Variants in ZNF521 observed in about 807,000 individuals in gnomAD.
The protein encoded by ZNF521 is zinc finger protein 521, also known as LYST-interacting protein 3.
A neutral mutation model predicts 105.5 loss-of-function variants in ZNF521; 14 were observed. That is an observed-to-expected ratio of 0.13 (90% CI 0.09 to 0.21). The LOEUF is 0.21. Among genes scored for constraint, ZNF521 ranks in the 10% least tolerant of loss-of-function variants. ZNF521 has a pLI of 1.00. For missense variants in ZNF521, 1,233 were observed against 1,629.7 expected, an observed-to-expected ratio of 0.76 and a Z score of 4.19; for synonymous variants, 635 against 606.0, an observed-to-expected ratio of 1.05 and a Z score of -0.70.
At chr18:25,149,908 G>A (rs1298202412) in intron 5 of ZNF521, among the ~76,000 whole-genome samples, 6 of 152,134 alleles carry the variant, frequency 3.9e-5, no homozygotes, top group African/African-American at 1.4e-4. Flanking sequence ...AAAAAATTCT[G>A]AGAACCACCC....
At chr18:25,070,435 A>T (rs1322493910) in intron 7 of ZNF521, among the ~76,000 whole-genome samples, 3 of 152,072 alleles carry the variant, frequency 2.0e-5, no homozygotes, top group Non-Finnish European at 4.4e-5. Flanking sequence ...ATAAAAGTTC[A>T]TCCATCTCAT....
chr18:25,205,241 C>T lies in ZNF521; in HGVS notation c.3574-9997G>A, dbSNP rs531555080. Among the ~76,000 whole-genome samples, 116 of 146,702 alleles carry T rather than the reference C, an allele frequency of 7.9e-4. 4 individuals carry two copies. The South Asian group carries it at 0.025, about 31-fold the overall frequency. ...TTGTCTCTTGCTACTCATGGCTATA[C>T]TATTTTGTTAGTTCCTATTTGAAGA... is the stretch of plus-strand genomic sequence containing the variant. On this transcript the variant is annotated intron_variant, in intron 4 of 7. Coordinates refer to ENST00000361524, the MANE Select transcript of ZNF521 (RefSeq NM_015461.3).
chr18:25,186,904 T>TAAAAAAAAAAAAAAAAAAA (rs113619835), intron 5 of ZNF521, among the ~76,000 whole-genome samples: 1 of 74,302 alleles, frequency 1.3e-5, no homozygotes, highest in African/African-American at 4.3e-5. Flanking sequence ...AAAGTAATGC[T>TAAAAAAAAAAAAAAAAAAA]AAAAAAAAAA....
chr18:25,075,956 C>G (rs918280461), intron 7 of ZNF521, among the ~76,000 whole-genome samples: 3 of 152,144 alleles, frequency 2.0e-5, no homozygotes, highest in African/African-American at 7.2e-5. Context: ...CAGCATATTT[C>G]TCAAAATCAT....
At chr18:25,261,554 G>C (rs1294066458) in intron 3 of ZNF521, among the ~76,000 whole-genome samples, 1 of 151,952 alleles carries the variant, frequency 6.6e-6, no homozygotes, top group Non-Finnish European at 1.5e-5. Context: ...AAAACAAAAA[G>C]CCAAAAGAAT....
At chr18:25,091,813 A>G in intron 6 of ZNF521, 137 bp downstream of exon 6, 1 of 1,092,034 alleles carries the variant, frequency 9.2e-7, no homozygotes, top group Non-Finnish European at 1.3e-6. Context: ...AATAAAGCAG[A>G]AATCAAACAT....
intron 4 of ZNF521, among the ~76,000 whole-genome samples, chr18:25,207,847 A>G (rs2036110509): frequency 6.6e-6 from 1 of 152,198 alleles, no homozygotes; most frequent in South Asian, 2.1e-4. Flanking sequence ...TACTGATAAT[A>G]TATTGCATAA....
chr18:25,263,840 A>G (rs1351625864), intron 3 of ZNF521, among the ~76,000 whole-genome samples: 1 of 152,148 alleles, frequency 6.6e-6, no homozygotes, highest in Non-Finnish European at 1.5e-5. Context: ...AGCCTCCCAA[A>G]GTACTAGGAT....
chr18:25,296,557 G>A (rs1020431970), intron 3 of ZNF521, among the ~76,000 whole-genome samples: 4 of 152,172 alleles, frequency 2.6e-5, no homozygotes, highest in Non-Finnish European at 4.4e-5. Context: ...GAACAGGAAT[G>A]AGAATCAGAG....
intron 2 of ZNF521, chr18:25,327,392 A>T (rs1417738477): frequency 8.9e-7 from 1 of 1,123,252 alleles, no homozygotes; most frequent in Non-Finnish European, 1.1e-6. Flanking sequence ...TTTAAAGTTC[A>T]TATGTGTACT....
intron 3 of ZNF521, among the ~76,000 whole-genome samples, chr18:25,291,369 G>A (rs1911010525): frequency 6.6e-6 from 1 of 152,168 alleles, no homozygotes; most frequent in African/African-American, 2.4e-5. Flanking sequence ...GCTTAGGAAA[G>A]CCTCCCAAAT....
At chr18:25,324,796 T>C (rs917612346) in intron 2 of ZNF521, among the ~76,000 whole-genome samples, 2 of 152,214 alleles carry the variant, frequency 1.3e-5, no homozygotes, top group Admixed American at 6.5e-5. Flanking sequence ...ATGGACACTT[T>C]CCATGAATCC....
intron 4 of ZNF521, among the ~76,000 whole-genome samples, chr18:25,200,730 G>A (rs1289495906): frequency 2.6e-5 from 4 of 152,022 alleles, no homozygotes; most frequent in Non-Finnish European, 5.9e-5. Context: ...TCTCTTCACA[G>A]CTGACCAGTC....
chr18:25,335,068 G>A (rs1432825802), intron 2 of ZNF521, among the ~76,000 whole-genome samples: 2 of 152,098 alleles, frequency 1.3e-5, no homozygotes, highest in Non-Finnish European at 2.9e-5. Context: ...GTGACATGCC[G>A]ATTGTGCACA....
chr18:25,283,054 A>G (rs1910479043), intron 3 of ZNF521, among the ~76,000 whole-genome samples: 1 of 152,262 alleles, frequency 6.6e-6, no homozygotes, highest in Non-Finnish European at 1.5e-5. Flanking sequence ...TGCAGGAAGC[A>G]GCTGGTACCT....
At chr18:25,074,583 G>A (rs2033314527) in intron 7 of ZNF521, among the ~76,000 whole-genome samples, 1 of 152,098 alleles carries the variant, frequency 6.6e-6, no homozygotes, top group South Asian at 2.1e-4. Flanking sequence ...GAATGGTTGG[G>A]TGCATTTCCT....
chr18:25,173,514 G>A (rs574007583), intron 5 of ZNF521, among the ~76,000 whole-genome samples: 6 of 152,210 alleles, frequency 3.9e-5, no homozygotes, highest in Admixed American at 2.6e-4. Flanking sequence ...ACCACCCCAC[G>A]TGCACTTCTC....
intron 4 of ZNF521, among the ~76,000 whole-genome samples, chr18:25,210,695 A>C (rs1253272964): frequency 6.6e-6 from 1 of 152,140 alleles, no homozygotes; most frequent in East Asian, 1.9e-4. Flanking sequence ...ATTATTTACA[A>C]GTGTTTACAA....
intron 5 of ZNF521, among the ~76,000 whole-genome samples, chr18:25,147,630 T>C (rs1270609395): frequency 1.3e-5 from 2 of 152,140 alleles, no homozygotes; most frequent in African/African-American, 2.4e-5. Flanking sequence ...TACAAATAAA[T>C]TTGAGCACTC....
Sources: allele counts gnomAD v4.1 joint callset (sites outside exome capture counted in the v4.1 genomes callset), GRCh38; gene constraint gnomAD v4.1.1; transcripts MANE v1.5; gene names NCBI Gene and HGNC (gene_info 2026-07-23, HGNC 2026-07-21).